Variants in GALK1 observed in about 807,000 individuals in gnomAD.
The protein encoded by GALK1 is galactokinase 1, also known as galactokinase.
In GALK1, 30 loss-of-function variants were observed where a neutral mutation model predicts 38.6. That is an observed-to-expected ratio of 0.78 (90% CI 0.58 to 1.05). The LOEUF (loss-of-function observed/expected upper bound fraction) is 1.05, where lower values mean the gene tolerates loss of function less well. GALK1 is among the 50% of genes least tolerant of loss of function. GALK1 has a pLI of 0.00. For synonymous variants in GALK1, 240 were observed against 233.6 expected, an observed-to-expected ratio of 1.03 and a Z score of -0.25; for missense variants, 512 against 540.5, an observed-to-expected ratio of 0.95 and a Z score of 0.52.
rs1233636948 is a variant in GALK1, at chr17:75,758,615, G to A, written c.794-16C>T. The A allele has an allele frequency of 5.1e-6, 8 of 1,580,340 alleles. No homozygotes were observed. The highest frequency in any genetic ancestry group is 6.0e-6 in the Non-Finnish European group (7 of 1,171,396). On this transcript the variant is annotated splice_polypyrimidine_tract_variant and intron_variant, in intron 5 of 7. Coordinates refer to ENST00000588479, the MANE Select transcript of GALK1 (RefSeq NM_000154.2). ...TCCCTGGCAGCTGGGGAGGAAAGAG[G>A]AGTCAGCAGCCGCCTTCTCACTGCC... is the stretch of plus-strand genomic sequence containing the variant.
chr17:75,757,904 C>CCCAAGCATA lies in GALK1; in HGVS notation c.*143_*151dup, dbSNP rs1468728515. ...TTCTGACATCCCCCATTCTCTGACA[C>CCCAAGCATA]CCAAGCATACACCCACCTCTAGAGG... On this transcript the variant is annotated 3_prime_UTR_variant, in exon 8 of 8. Transcript: ENST00000588479. The CCCAAGCATA allele has an allele frequency of 4.5e-6, 4 of 885,444 alleles. No individual in the cohort carries two copies. Among genetic ancestry groups the CCCAAGCATA allele is most frequent in the Non-Finnish European group, 7.1e-6 (4 of 561,212 alleles). The allele number at this position is 885,444 out of a possible 1,614,324, so 54.8% of individuals were successfully genotyped here. A position where few individuals can be genotyped will look rare whatever the true frequency, so the allele number is the denominator to read the frequency against.
chr17:75,756,343 C>A, downstream of GALK1: 1 of 1,488,078 alleles, frequency 6.7e-7, no homozygotes, highest in South Asian at 1.1e-5. Context: ...ATAACTAGGT[C>A]TCGATGGCAG....
At chr17:75,755,979 C>T, downstream of GALK1, 1 of 1,145,670 alleles carries the variant, frequency 8.7e-7, no homozygotes, top group Non-Finnish European at 1.3e-6. Flanking sequence ...CCCCATCCAG[C>T]CTGAGAGGGT....
chr17:75,753,966 C>G, downstream of GALK1: 3 of 1,257,068 alleles, frequency 2.4e-6, no homozygotes, highest in Non-Finnish European at 3.0e-6. Flanking sequence ...ACACCCGGGC[C>G]CCCCGGAGGT....
intron 8 of GALK1, chr17:75,752,223 G>T (rs2061383227): frequency 6.2e-7 from 1 of 1,613,808 alleles, no homozygotes; most frequent in Non-Finnish European, 8.5e-7. Context: ...CTAAGAACCG[G>T]ATGCTGCTTA....
chr17:75,754,906 G>T, downstream of GALK1: 1 of 1,581,342 alleles, frequency 6.3e-7, no homozygotes. Flanking sequence ...TGTCCCCACC[G>T]CCCATTCTCC....
downstream of GALK1, among the ~76,000 whole-genome samples, chr17:75,752,919 C>T (rs1483032027): frequency 1.3e-5 from 2 of 152,164 alleles, no homozygotes; most frequent in Non-Finnish European, 2.9e-5. Context: ...GGGCAGCCAC[C>T]AGGCGGCCAC....
downstream of GALK1, chr17:75,756,385 G>A (rs914804766): frequency 1.2e-6 from 2 of 1,605,162 alleles, no homozygotes; most frequent in Admixed American, 1.7e-5. Context: ...GCCAGGGGTG[G>A]GAGTAACACT....
rs1285209496 is a variant in GALK1 at position 75,764,093 on chromosome 17, GGA to G, written c.166-9_166-8del. 3 of 1,570,192 alleles carry G rather than the reference GGA, an allele frequency of 1.9e-6. No individual in the cohort carries two copies. Among genetic ancestry groups the G allele is most frequent in the Non-Finnish European group, 2.6e-6 (3 of 1,162,224 alleles). On this transcript the variant is annotated splice_region_variant and splice_polypyrimidine_tract_variant and intron_variant, in intron 1 of 7. Coordinates refer to ENST00000588479, the MANE Select transcript of GALK1 (RefSeq NM_000154.2). ...CCGTCATGAGCTCCAGAGCCTGGCA[GGA>G]GAGACAAGCAGTACGTGAGGCTTCC...
Position 75,763,337 on chromosome 17 carries a change from A to C in GALK1, c.458T>G (p.Leu153Arg). ...ASLEVATYTF[L>R]QQLCPDSGTI... is the part of the protein sequence containing the mutation. Reference sequence around the variant, plus strand: ...GCTGGTACCTGGACAGAGCTGCTGGAGGAAGGTGTACGTGGCCACTTCCAA... The same window carrying C: ...GCTGGTACCTGGACAGAGCTGCTGGCGGAAGGTGTACGTGGCCACTTCCAA... The change falls in exon 3 of 8, where the codon CTC becomes CGC. Residue 153 changes from leucine (L) to arginine (R), a missense_variant. By Grantham distance (102) the Leu-to-Arg change is moderately radical (BLOSUM62 -2). Transcript: ENST00000588479. 1 of 1,613,958 alleles carries C rather than the reference A, an allele frequency of 6.2e-7. No homozygotes were observed. Among genetic ancestry groups the C allele is most frequent in the Non-Finnish European group, 8.5e-7 (1 of 1,179,986 alleles).
chr17:75,757,420 G>C (rs577744389), downstream of GALK1: 2 of 1,613,140 alleles, frequency 1.2e-6, no homozygotes, highest in South Asian at 2.2e-5. Context: ...CCACAGATGG[G>C]CTGACCCTGG....
downstream of GALK1, chr17:75,755,351 C>A: frequency 1.1e-6 from 1 of 927,014 alleles, no homozygotes; most frequent in Non-Finnish European, 1.6e-6. Flanking sequence ...CAGGCGCTAA[C>A]CACCTGCCCT....
At chr17:75,753,019 C>A (rs113414158), downstream of GALK1, among the ~76,000 whole-genome samples, 1 of 152,214 alleles carries the variant, frequency 6.6e-6, no homozygotes, top group Non-Finnish European at 1.5e-5. Flanking sequence ...GCTGCGGAGC[C>A]CTTAGCTGGG....
chr17:75,758,542 T>C lies in GALK1; in HGVS notation c.851A>G (p.Glu284Gly). ...CGCTGCCTGGGCCGTGCGCCGAATC[T>C]CCCCCACCACGTGCCGGGCCCGCCG... ...GFRRARHVVG[E>G]IRRTAQAAAA... is the part of the protein sequence containing the mutation. The change falls in exon 6 of 8, where the codon GAG (glutamate) becomes GGG (glycine). Residue 284 changes from glutamate to glycine, a missense_variant. Glu to Gly is a moderately conservative substitution (Grantham distance 98). Coordinates refer to ENST00000588479, the MANE Select transcript of GALK1 (RefSeq NM_000154.2). 6.3e-7 allele frequency: 1 copy of C among 1,594,262 alleles called. No individual in the cohort carries two copies.
At chr17:75,752,278 G>A in intron 8 of GALK1, 1 of 1,613,416 alleles carries the variant, frequency 6.2e-7, no homozygotes, top group Non-Finnish European at 8.5e-7. Context: ...CACGGTGAAG[G>A]CGCGCAACGG....
rs2061598143 is a variant in GALK1 at position 75,763,768 on chromosome 17, A to C, written c.355+129T>G. 3.0e-6 allele frequency: 3 copies of C among 990,650 alleles called. No homozygotes were observed. The African/African-American group carries it at 4.8e-5, about 16-fold the overall frequency. 61.4% of individuals were successfully genotyped at this position (990,650 alleles called of 1,614,324 possible). A position where few individuals can be genotyped will look rare whatever the true frequency, so the allele number is the denominator to read the frequency against. On this transcript the variant is annotated intron_variant, in intron 2 of 7. Coordinates refer to ENST00000588479, the MANE Select transcript of GALK1 (RefSeq NM_000154.2). Reference sequence around the variant, plus strand: ...ACCTTCTGGGGGCATCAGTTTCCTCATCTGTACAATGGGATGCTCCACTCT... The same window carrying C: ...ACCTTCTGGGGGCATCAGTTTCCTCCTCTGTACAATGGGATGCTCCACTCT...
At chr17:75,756,902 AAG>A (rs1394539487), downstream of GALK1, 2 of 1,612,066 alleles carry the variant, frequency 1.2e-6, no homozygotes, top group South Asian at 1.1e-5. Context: ...GGGAGGGGTA[AAG>A]AGGGGGCCGC....
chr17:75,756,973 A>G (rs1378764885), downstream of GALK1: 1 of 1,612,720 alleles, frequency 6.2e-7, no homozygotes, highest in Non-Finnish European at 8.5e-7. Flanking sequence ...GTGGATGGAG[A>G]CAGCCCCGAG....
At chr17:75,757,576 G>A (rs374796446), downstream of GALK1, 131 of 1,612,150 alleles carry the variant, frequency 8.1e-5, 1 homozygote, top group Middle Eastern at 1.6e-4. Flanking sequence ...CCCCACCCCC[G>A]CCACGTCCCA....
Sources: allele counts gnomAD v4.1 joint callset (sites outside exome capture counted in the v4.1 genomes callset), GRCh38; gene constraint gnomAD v4.1.1; transcripts MANE v1.5; gene names NCBI Gene and HGNC (gene_info 2026-07-23, HGNC 2026-07-21).